Variants in USP31 observed in about 807,000 individuals in gnomAD.
USP31 encodes the protein ubiquitin specific peptidase 31, also known as ubiquitin carboxyl-terminal hydrolase 31.
In USP31, 44 loss-of-function variants were observed where a neutral mutation model predicts 119.4. The ratio of observed to expected loss-of-function variants is 0.37; its 90% CI spans 0.29 to 0.47. The LOEUF is 0.47. Among genes scored for constraint, USP31 ranks in the 20% least tolerant of loss-of-function variants. The probability of loss-of-function intolerance (pLI) is 0.99; values close to 1 mark genes in which losing one functional copy is unlikely to be tolerated. For synonymous variants in USP31, 749 were observed against 705.6 expected (o/e 1.06, Z -0.97); for missense variants, 1,643 against 1,730.2 (o/e 0.95, Z 0.89).
At chr16:23,102,525 A>G in intron 5 of USP31, 62 bp from the exon 6 acceptor site, 1 of 1,554,924 alleles carries the variant, frequency 6.4e-7, no homozygotes, top group South Asian at 1.2e-5. Context: ...TTGATCTCCC[A>G]ATTCTATGAA....
At position 23,080,016 on chromosome 16, in the gene USP31, A is replaced by G. The variant is rs1455781620; in HGVS notation, c.2106T>C (p.Pro702=). ...WRRPYGLGRD[P]EDYIYDLYAV... is the part of the protein sequence containing the mutation. ...CATACAGGTCATAGATGTAGTCCTC[A>G]GGGTCCCTCCCGAGTCCATAGGGCC... The change falls in exon 13 of 16, where the codon CCT becomes CCC. Residue 702 remains proline, a synonymous_variant. Transcript: ENST00000219689. The G allele has an allele frequency of 1.2e-6, 2 of 1,614,122 alleles. No individual in the cohort carries two copies. Among genetic ancestry groups the G allele is most frequent in the South Asian group, 2.2e-5 (2 of 91,072 alleles).
intron 1 of USP31, among the ~76,000 whole-genome samples, chr16:23,148,259 C>CTTAA (rs1344690865): frequency 1.3e-5 from 2 of 152,196 alleles, no homozygotes; most frequent in African/African-American, 4.8e-5. Flanking sequence ...GGCTGCTTAA[C>CTTAA]TTACCCGACG....
chr16:23,133,557 G>A lies in USP31; in HGVS notation c.633+15081C>T, dbSNP rs150699062. On this transcript the variant is annotated intron_variant, in intron 1 of 15. Transcript: ENST00000219689. ...CAACATGGGGATTATCTGATCCTTG[G>A]AAGAATGTATGAAAAAATCCATCCA... 9.3e-3 allele frequency among the ~76,000 whole-genome samples: 1,412 copies of A among 152,224 alleles called. 17 individuals carry two copies. Among genetic ancestry groups the A allele is most frequent in the African/African-American group, 0.03 (1,225 of 41,518 alleles).
In USP31 at chr16:23,143,588, G is replaced by GC. The variant is rs959602055; in HGVS notation, c.633+5049_633+5050insG. ...GGAGAAAGAGAGAGGGAGAGGTTGG[G>GC]GGGGGGGAGAGAGAGAGAAAGAGAG... On this transcript the variant is annotated intron_variant, in intron 1 of 15. Coordinates refer to ENST00000219689, the MANE Select transcript of USP31 (RefSeq NM_020718.4). Among the ~76,000 whole-genome samples the GC allele has an allele frequency of 4.0e-5, 6 of 150,990 alleles. No homozygotes were observed. In the East Asian group the frequency reaches 9.7e-4, roughly 24 times the overall value.
At chr16:23,115,956 T>C (rs138910752) in intron 1 of USP31, 26 of 193,810 alleles carry the variant, frequency 1.3e-4, no homozygotes, top group African/African-American at 4.7e-4. Context: ...AGGGAAAAGA[T>C]ACTGACTGAT....
intron 1 of USP31, among the ~76,000 whole-genome samples, chr16:23,128,609 C>T (rs928610063): frequency 1.3e-5 from 2 of 152,180 alleles, no homozygotes; most frequent in African/African-American, 2.4e-5. Flanking sequence ...ACAAGAGTCT[C>T]TGTAGAAGTG....
Position 23,092,322 on chromosome 16 carries a change from G to A in USP31, c.1235-1518C>T, listed in dbSNP as rs557175679. Among the ~76,000 whole-genome samples, 4 of 152,312 alleles carry A rather than the reference G, an allele frequency of 2.6e-5. No individual in the cohort carries two copies. In the East Asian group the frequency reaches 7.7e-4, roughly 29 times the overall value. On this transcript the variant is annotated intron_variant, in intron 6 of 15. Transcript: ENST00000219689. ...CCCTAAGCAACTGGGGTGGGAACAG[G>A]ATTTTGAGAAACTTTCAGTTGAACA...
intron 1 of USP31, among the ~76,000 whole-genome samples, chr16:23,130,607 T>C (rs1902998964): frequency 6.6e-6 from 1 of 151,910 alleles, no homozygotes; most frequent in South Asian, 2.1e-4. Flanking sequence ...AGCAATCCCC[T>C]CTCCCTGCTG....
intron 1 of USP31, 83 bp from the exon 2 acceptor site, chr16:23,108,266 A>G: frequency 6.6e-7 from 1 of 1,505,714 alleles, no homozygotes; most frequent in African/African-American, 1.4e-5. Context: ...CGCAAAAGGG[A>G]TGCAAGATCT....
At chr16:23,114,991 AG>A (rs1902445073) in intron 1 of USP31, among the ~76,000 whole-genome samples, 2 of 152,218 alleles carry the variant, frequency 1.3e-5, no homozygotes, top group South Asian at 4.1e-4. Flanking sequence ...GAAAAGCAGT[AG>A]GAGTCAAGAA....
chr16:23,075,238 G>A (rs1230197350), intron 13 of USP31, among the ~76,000 whole-genome samples: 2 of 152,164 alleles, frequency 1.3e-5, no homozygotes, highest in Non-Finnish European at 2.9e-5. Context: ...TTGGCCAGTG[G>A]CGTCAGGTCA....
At position 23,145,309 on chromosome 16, in the gene USP31, A is replaced by G. The variant is rs190621569; in HGVS notation, c.633+3329T>C. Among the ~76,000 whole-genome samples the G allele has an allele frequency of 2.6e-5, 4 of 152,180 alleles. No homozygotes were observed. In the East Asian group the frequency reaches 7.7e-4, roughly 29 times the overall value. The stretch of plus-strand genomic sequence containing the variant: ...ACCGCTCCAGCTCTACCGAATCTCA[A>G]TTTCCTTTGTAGCAAGATCCCCAGG... On this transcript the variant is annotated intron_variant, in intron 1 of 15. Coordinates refer to ENST00000219689, the MANE Select transcript of USP31 (RefSeq NM_020718.4).
chr16:23,105,114 T>G (rs554716220), intron 5 of USP31, among the ~76,000 whole-genome samples: 1 of 152,240 alleles, frequency 6.6e-6, no homozygotes. Flanking sequence ...TCTCAAACAC[T>G]GCGAGGACGC....
chr16:23,100,179 G>A (rs1901789685), intron 6 of USP31, among the ~76,000 whole-genome samples: 2 of 152,200 alleles, frequency 1.3e-5, no homozygotes, highest in Non-Finnish European at 2.9e-5. Flanking sequence ...TCCCAGGTAT[G>A]AAGAGAAACG....
At chr16:23,144,737 C>T (rs572292015) in intron 1 of USP31, among the ~76,000 whole-genome samples, 38 of 152,300 alleles carry the variant, frequency 2.5e-4, no homozygotes, top group Non-Finnish European at 4.4e-4. Flanking sequence ...CCACCTTGGC[C>T]TCCCAAAGTG....
intron 1 of USP31, among the ~76,000 whole-genome samples, chr16:23,147,923 C>A (rs1903571156): frequency 6.6e-6 from 1 of 152,032 alleles, no homozygotes; most frequent in African/African-American, 2.4e-5. Context: ...AGAGCAAGAC[C>A]CTGTCTCTAA....
chr16:23,090,938 G>T, intron 6 of USP31, 134 bp from the exon 7 acceptor site: 1 of 786,090 alleles, frequency 1.3e-6, no homozygotes, highest in Non-Finnish European at 1.9e-6. Flanking sequence ...ATCAAAAAAA[G>T]AAACATCCTA....
rs1055101605 is a variant in USP31 at position 23,063,987 on chromosome 16, C to G, written c.*4059G>C. On this transcript the variant is annotated 3_prime_UTR_variant, in exon 16 of 16. Coordinates refer to ENST00000219689, the MANE Select transcript of USP31 (RefSeq NM_020718.4). The stretch of plus-strand genomic sequence containing the variant: ...GTAGTAGAGTTTAACAATAATGTAC[C>G]CTTTATGAAATGAAAGTTAAAGACA... 2 of 152,482 alleles carry G rather than the reference C, an allele frequency of 1.3e-5. No homozygotes were observed. The highest frequency in any genetic ancestry group is 2.4e-5 in the African/African-American group (1 of 41,392). 9.4% of individuals were successfully genotyped at this position (152,482 alleles called of 1,614,324 possible).
chr16:23,125,316 T>A (rs1902816712), intron 1 of USP31, among the ~76,000 whole-genome samples: 1 of 152,128 alleles, frequency 6.6e-6, no homozygotes, highest in Admixed American at 6.5e-5. Flanking sequence ...GGCTCACAGA[T>A]TTTCAAAAGG....
Sources: gnomAD v4.1 joint callset for allele counts (sites outside exome capture counted in the v4.1 genomes callset) on GRCh38, gnomAD v4.1.1 for gene constraint, MANE v1.5 for transcripts, NCBI Gene and HGNC (gene_info 2026-07-23, HGNC 2026-07-21) for gene names.